Variants in PRR12 observed in about 807,000 individuals in gnomAD.
PRR12 encodes the protein proline-rich protein 12.
PRR12 carries 12 observed loss-of-function variants against 138.0 expected under a neutral mutation model. That is an observed-to-expected ratio of 0.09 (90% CI 0.06 to 0.14). PRR12 has a LOEUF of 0.14. Among genes scored for constraint, PRR12 ranks in the 10% least tolerant of loss-of-function variants. The pLI is 1.00. For synonymous variants in PRR12, 1,567 were observed against 1,291.7 expected (o/e 1.21, Z -4.57); for missense variants, 2,692 against 2,861.3 (o/e 0.94, Z 1.35).
At position 49,615,923 on chromosome 19, in the gene PRR12, T is replaced by C; in HGVS notation, c.5201T>C (p.Leu1734Pro). ...CCCCCTGCCCCCGAGAAGCCCTCCC[T>C]CCTGCGGCCTGTTGAGAAGGAAAAG... The part of the protein sequence containing the change: ...PEPPAPEKPS[L>P]LRPVEKEKEK... The change falls in exon 9 of 14, where the codon CTC (leucine) becomes CCC (proline). Residue 1734 changes from leucine to proline, a missense_variant. By Grantham distance (98) the Leu-to-Pro change is moderately conservative (BLOSUM62 -3). Coordinates refer to ENST00000418929, the MANE Select transcript of PRR12 (RefSeq NM_020719.3). 6.4e-7 allele frequency: 1 copy of C among 1,557,374 alleles called. No homozygotes were observed. Among genetic ancestry groups the C allele is most frequent in the Non-Finnish European group, 8.7e-7 (1 of 1,150,640 alleles).
rs911555323 is a variant in PRR12 at position 49,594,900 on chromosome 19, C to T, written c.565C>T (p.Leu189=). 2.5e-6 allele frequency: 4 copies of T among 1,610,168 alleles called. No individual in the cohort carries two copies. Among genetic ancestry groups the T allele is most frequent in the Admixed American group, 1.7e-5 (1 of 59,548 alleles). ...ANGLLSPHDV[L]HLKPSQAPTV... is the part of the protein sequence containing the mutation. ...CGGGCTCCTGTCCCCTCATGACGTG[C>T]TGCACCTGAAGCCCTCGCAGGCACC... The change falls in exon 4 of 14, where the codon CTG becomes TTG. Residue 189 remains leucine, a synonymous_variant. Coordinates refer to ENST00000418929, the MANE Select transcript of PRR12 (RefSeq NM_020719.3). The surrounding 1 kb of genome is among the most constrained non-coding windows in gnomAD (Gnocchi z 5.6).
rs2080786156 is a variant in PRR12 at position 49,597,944 on chromosome 19, G to GGGCCGA, written c.3615_3620dup (p.Gly1208_Arg1209dup). ...ATGGCGCCAAGAAACCCCGGGGCCGGGGCCGAGGCCGGGGTCGAAAGGCTG... is the reference window on the plus strand; with the variant it reads ...ATGGCGCCAAGAAACCCCGGGGCCGGGGCCGAGGCCGAGGCCGGGGTCGAAAGGCTG... On this transcript the variant is annotated inframe_insertion, in exon 4 of 14. Transcript: ENST00000418929. The surrounding 1 kb of genome is among the most constrained non-coding windows in gnomAD (Gnocchi z 6.3). 12 of 1,403,382 alleles carry GGGCCGA rather than the reference G, an allele frequency of 8.6e-6. No individual in the cohort carries two copies. The highest frequency in any genetic ancestry group is 3.4e-5 in the South Asian group (2 of 58,932). 86.9% of individuals were successfully genotyped at this position (1,403,382 alleles called of 1,614,324 possible).
At position 49,595,445 on chromosome 19, in the gene PRR12, C is replaced by CGGTGGGGCTGGGGGT; in HGVS notation, c.1116_1130dup (p.Ala373_Gly377dup). 10 of 1,028,874 alleles carry CGGTGGGGCTGGGGGT rather than the reference C, an allele frequency of 9.7e-6. No homozygotes were observed. Among genetic ancestry groups the CGGTGGGGCTGGGGGT allele is most frequent in the Non-Finnish European group, 1.2e-5 (8 of 674,294 alleles). The allele number at this position is 1,028,874 out of a possible 1,614,324, so 63.7% of individuals were successfully genotyped here. A position where few individuals can be genotyped will look rare whatever the true frequency, so the allele number is the denominator to read the frequency against. On this transcript the variant is annotated inframe_insertion, in exon 4 of 14. Coordinates refer to ENST00000418929, the MANE Select transcript of PRR12 (RefSeq NM_020719.3). ...CCACGGGCCCTGAGGCAGCAGGGGG[C>CGGTGGGGCTGGGGGT]GGTGGGGCTGGGGGTGGTGGTGGAG... is the stretch of plus-strand genomic sequence containing the variant.
chr19:49,591,992 C>A (rs2080731144), intron 1 of PRR12, among the ~76,000 whole-genome samples: 1 of 152,148 alleles, frequency 6.6e-6, no homozygotes, highest in South Asian at 2.1e-4. Flanking sequence ...CAATTTCGGA[C>A]GGGAAGGCCT....
At position 49,596,487 on chromosome 19, in the gene PRR12, C is replaced by T. The variant is rs368659022; in HGVS notation, c.2152C>T (p.Leu718=). Residue 718 remains leucine (L), a synonymous_variant, in exon 4 of 14, where the codon CTG becomes TTG. Transcript: ENST00000418929. This position sits in a 1 kb window ranked among gnomAD's most constrained non-coding sequence, Gnocchi z 5.6. ...ASLDEGATAA[L]ELGLGRLKEK... ...CCTGGATGAGGGTGCCACTGCGGCACTGGAGCTGGGCCTGGGGAGGCTGAA... is the reference window on the plus strand; with the variant it reads ...CCTGGATGAGGGTGCCACTGCGGCATTGGAGCTGGGCCTGGGGAGGCTGAA... 3.0e-5 allele frequency: 49 copies of T among 1,610,874 alleles called. No individual in the cohort carries two copies. In the African/African-American group the frequency reaches 5.1e-4, roughly 17 times the overall value.
In PRR12 at chr19:49,594,069, C is replaced by T. The variant is rs780869536; in HGVS notation, c.200-385C>T. 1.3e-5 allele frequency among the ~76,000 whole-genome samples: 2 copies of T among 152,108 alleles called. No homozygotes were observed. Among genetic ancestry groups the T allele is most frequent in the Admixed American group, 6.6e-5 (1 of 15,260 alleles). ...GACACGTTCTCTGGTCTTTCTTAGA[C>T]TTCATTGTCCCATCCTTTCCTCTTC... On this transcript the variant is annotated intron_variant, in intron 2 of 13. Transcript: ENST00000418929. This position sits in a 1 kb window ranked among gnomAD's most constrained non-coding sequence, Gnocchi z 5.6.
rs2080883367 is a variant in PRR12, at chr19:49,614,837, G to A, written c.4891-39G>A. 1 of 1,613,598 alleles carries A rather than the reference G, an allele frequency of 6.2e-7. No homozygotes were observed. The highest frequency in any genetic ancestry group is 1.3e-5 in the African/African-American group (1 of 74,938). On this transcript the variant is annotated intron_variant, in intron 7 of 13. Coordinates refer to ENST00000418929, the MANE Select transcript of PRR12 (RefSeq NM_020719.3). The surrounding 1 kb of genome is among the most constrained non-coding windows in gnomAD (Gnocchi z 5.0). ...GGGGTGTTGGCCATCTGGCTGGGCA[G>A]TGTGAAGAATTTCCTCATGTGCCTC...
Position 49,597,052 on chromosome 19 carries a change from G to T in PRR12, c.2717G>T (p.Gly906Val). ...GGCGTAGGCCCACCAAACTCGGAGG[G>T]CAAGGATCCCGCAGGCGCCTACCGC... ...DTGVGPPNSE[G>V]KDPAGAYRSP... is the part of the protein sequence containing the mutation. The change falls in exon 4 of 14, where the codon GGC (glycine) becomes GTC (valine). Residue 906 changes from glycine (G) to valine (V), a missense_variant. Gly to Val is a moderately radical substitution (Grantham distance 109). Around this residue, in one of 11 missense-constraint regions of PRR12, gnomAD observed 840 missense variants for 689.8 expected, o/e 1.22. Transcript: ENST00000418929. This position sits in a 1 kb window ranked among gnomAD's most constrained non-coding sequence, Gnocchi z 6.3. 1.3e-6 allele frequency: 2 copies of T among 1,554,314 alleles called. No homozygotes were observed. The highest frequency in any genetic ancestry group is 2.4e-5 in the East Asian group (1 of 41,284).
chr19:49,597,698 G>A lies in PRR12; in HGVS notation c.3363G>A (p.Leu1121=), dbSNP rs2080783592. The change falls in exon 4 of 14, where the codon TTG becomes TTA. Residue 1121 remains leucine (L), a synonymous_variant. Coordinates refer to ENST00000418929, the MANE Select transcript of PRR12 (RefSeq NM_020719.3). This position sits in a 1 kb window ranked among gnomAD's most constrained non-coding sequence, Gnocchi z 6.3. ...ACATCCGCCTCAACCCCCGGCGCTT[G>A]CCTGACCTGGTCTCCAGCTGCCGCT... ...PADIRLNPRR[L]PDLVSSCRSR... is the part of the protein sequence containing the mutation. 1 of 1,606,364 alleles carries A rather than the reference G, an allele frequency of 6.2e-7. No individual in the cohort carries two copies. Among genetic ancestry groups the A allele is most frequent in the Non-Finnish European group, 8.5e-7 (1 of 1,177,670 alleles).
In PRR12 at chr19:49,616,339, A is replaced by C; in HGVS notation, c.5497+120A>C. Reference sequence around the variant, plus strand: ...AGTAAGAACCAGTATGTTACAGATAATGGCAGTAGCTCACAGTCACGGGGC... The same window carrying C: ...AGTAAGAACCAGTATGTTACAGATACTGGCAGTAGCTCACAGTCACGGGGC... On this transcript the variant is annotated intron_variant, in intron 9 of 13. Transcript: ENST00000418929. This position sits in a 1 kb window ranked among gnomAD's most constrained non-coding sequence, Gnocchi z 4.2. The C allele has an allele frequency of 1.1e-6, 1 of 886,212 alleles. No homozygotes were observed. Among genetic ancestry groups the C allele is most frequent in the Non-Finnish European group, 1.6e-6 (1 of 609,518 alleles). 54.9% of individuals were successfully genotyped at this position (886,212 alleles called of 1,614,324 possible).
Position 49,594,376 on chromosome 19 carries a change from T to G in PRR12, c.200-78T>G. On this transcript the variant is annotated intron_variant, in intron 2 of 13. Coordinates refer to ENST00000418929, the MANE Select transcript of PRR12 (RefSeq NM_020719.3). The surrounding 1 kb of genome is among the most constrained non-coding windows in gnomAD (Gnocchi z 5.6). ...CCTCCTTTTCCTGATCCAACTTGCT[T>G]TTGGCCTCTTCCCTTTCTCTCTTGA... 1 of 1,402,220 alleles carries G rather than the reference T, an allele frequency of 7.1e-7. No homozygotes were observed. The highest frequency in any genetic ancestry group is 1.4e-5 in the African/African-American group (1 of 69,000). 86.9% of individuals were successfully genotyped at this position (1,402,220 alleles called of 1,614,324 possible). A position where few individuals can be genotyped will look rare whatever the true frequency, so the allele number is the denominator to read the frequency against.
At position 49,616,964 on chromosome 19, in the gene PRR12, A is replaced by T. The variant is rs1350127152; in HGVS notation, c.5497+745A>T. Among the ~76,000 whole-genome samples, 1 of 152,086 alleles carries T rather than the reference A, an allele frequency of 6.6e-6. No individual in the cohort carries two copies. Among genetic ancestry groups the T allele is most frequent in the Non-Finnish European group, 1.5e-5 (1 of 68,028 alleles). On this transcript the variant is annotated intron_variant, in intron 9 of 13. Transcript: ENST00000418929. The surrounding 1 kb of genome is among the most constrained non-coding windows in gnomAD (Gnocchi z 4.2). ...ACCAACATGGTGAAATCCCGGCTTTACTAAAAAATACAAAAATTAGCCCAG... is the reference window on the plus strand; with the variant it reads ...ACCAACATGGTGAAATCCCGGCTTTTCTAAAAAATACAAAAATTAGCCCAG...
chr19:49,593,224 CGGTCAGCTGGAAGGGT>C, intron 1 of PRR12, 87 bp from the exon 2 acceptor site: 7 of 599,694 alleles, frequency 1.2e-5, no homozygotes, highest in Admixed American at 3.1e-5. Flanking sequence ...CCCCCCACCC[CGGTCAGCTGGAAGGGT>C]CCCCCCAACT....
chr19:49,593,544 G>T (rs930702186), intron 2 of PRR12, 105 bp downstream of exon 2: 7 of 612,550 alleles, frequency 1.1e-5, no homozygotes, highest in African/African-American at 1.1e-4. Context: ...CGTGGCCCGT[G>T]CCGTGGCCCG....
Position 49,597,868 on chromosome 19 carries a change from C to T in PRR12, c.3533C>T (p.Pro1178Leu). The T allele has an allele frequency of 6.9e-7, 1 of 1,452,056 alleles. No homozygotes were observed. Among genetic ancestry groups the T allele is most frequent in the Non-Finnish European group, 9.1e-7 (1 of 1,104,338 alleles). 89.9% of individuals were successfully genotyped at this position (1,452,056 alleles called of 1,614,324 possible). A position where few individuals can be genotyped will look rare whatever the true frequency, so the allele number is the denominator to read the frequency against. Residue 1178 changes from proline (P) to leucine (L), a missense_variant, in exon 4 of 14, where the codon CCC becomes CTC. Pro to Leu is a moderately conservative substitution (Grantham distance 98, BLOSUM62 -3). Around this residue, in one of 11 missense-constraint regions of PRR12, gnomAD observed 326 missense variants for 344.2 expected, o/e 0.95. Coordinates refer to ENST00000418929, the MANE Select transcript of PRR12 (RefSeq NM_020719.3). The surrounding 1 kb of genome is among the most constrained non-coding windows in gnomAD (Gnocchi z 6.3). ...PRPRGRPRIR[P>L]LEVPTTAGPA... Reference sequence around the variant, plus strand: ...CCACGGGGGAGGCCCCGGATCCGCCCCCTGGAGGTCCCGACCACTGCGGGG... The same window carrying T: ...CCACGGGGGAGGCCCCGGATCCGCCTCCTGGAGGTCCCGACCACTGCGGGG...
At chr19:49,617,432 A>G (rs1168082555) in intron 9 of PRR12, among the ~76,000 whole-genome samples, 1 of 152,112 alleles carries the variant, frequency 6.6e-6, no homozygotes, top group Non-Finnish European at 1.5e-5. Flanking sequence ...GTTCGAGATG[A>G]GCCTGGGCAA....
At chr19:49,624,750 G>A in intron 11 of PRR12, 94 bp from the exon 12 acceptor site, 6 of 1,518,928 alleles carry the variant, frequency 4.0e-6, no homozygotes, top group South Asian at 1.3e-5. Flanking sequence ...TCTGCAGCCT[G>A]GGGGAAACTG....
rs73058080 is a variant in PRR12 at position 49,616,447 on chromosome 19, C to T, written c.5497+228C>T. 0.026 allele frequency among the ~76,000 whole-genome samples: 3,914 copies of T among 152,268 alleles called. 82 individuals are homozygous for T. The highest frequency in any genetic ancestry group is 0.038 in the Non-Finnish European group (2,572 of 68,014). On this transcript the variant is annotated intron_variant, in intron 9 of 13. Coordinates refer to ENST00000418929, the MANE Select transcript of PRR12 (RefSeq NM_020719.3). This position sits in a 1 kb window ranked among gnomAD's most constrained non-coding sequence, Gnocchi z 4.2. The stretch of plus-strand genomic sequence containing the variant: ...TTTCACCCATCCTAGTAGGTAGATA[C>T]TGTTATCCTCATCTACAGATGAGGA...
chr19:49,610,733 C>G (rs1160510923), intron 6 of PRR12, among the ~76,000 whole-genome samples: 1 of 151,884 alleles, frequency 6.6e-6, no homozygotes, highest in African/African-American at 2.4e-5. Flanking sequence ...TTAGTAGAGA[C>G]GGGGTTTCAC....
Sources: allele counts gnomAD v4.1 joint callset (sites outside exome capture counted in the v4.1 genomes callset), GRCh38; gene constraint gnomAD v4.1.1; regional missense constraint gnomAD v4.1.1; non-coding constraint Gnocchi (gnomAD v3.1); transcripts MANE v1.5; gene names NCBI Gene and HGNC (gene_info 2026-07-23, HGNC 2026-07-21).